The following KCNMA1 variants were observed in gnomAD, a reference collection of about 807,000 sequenced individuals.
KCNMA1 encodes potassium calcium-activated channel subfamily M alpha 1.
A neutral mutation model predicts 140.0 loss-of-function variants in KCNMA1; 29 were observed. That is an observed-to-expected ratio of 0.21 (90% CI 0.15 to 0.28). The LOEUF is 0.28. KCNMA1 is among the 10% of genes least tolerant of loss of function. The probability of loss-of-function intolerance (pLI) is 1.00; values close to 1 mark genes in which losing one functional copy is unlikely to be tolerated. For synonymous variants in KCNMA1, 612 were observed against 611.9 expected, an observed-to-expected ratio of 1.00 and a Z score of 0.00; for missense variants, 880 against 1,602.2, an observed-to-expected ratio of 0.55 and a Z score of 7.70.
chr10:77,360,108 G>A (rs947310463), intron 2 of KCNMA1, among the ~76,000 whole-genome samples: 1 of 152,172 alleles, frequency 6.6e-6, no homozygotes, highest in African/African-American at 2.4e-5. Flanking sequence ...ATATTTCTTG[G>A]AACTGAATAT....
At chr10:77,147,641 T>G (rs182266683) in intron 5 of KCNMA1, 2 of 152,264 alleles carry the variant, frequency 1.3e-5, no homozygotes, top group African/African-American at 4.8e-5. Flanking sequence ...ATCTCCCTCT[T>G]CTTCCCGTAG....
chr10:77,091,867 G>A (rs1169348955), intron 9 of KCNMA1: 1 of 152,214 alleles, frequency 6.6e-6, no homozygotes, highest in African/African-American at 2.4e-5. Context: ...TTTGGTGCTT[G>A]ACTAAGTATG....
chr10:77,552,482 G>C (rs192906760), intron 1 of KCNMA1, among the ~76,000 whole-genome samples: 2 of 152,316 alleles, frequency 1.3e-5, no homozygotes, highest in South Asian at 2.1e-4. Flanking sequence ...GCCCAGCATA[G>C]AGCAGTACTG....
chr10:77,151,320 G>A (rs1176020608), intron 5 of KCNMA1, among the ~76,000 whole-genome samples: 10 of 116,824 alleles, frequency 8.6e-5, no homozygotes, highest in African/African-American at 2.7e-4. Flanking sequence ...TCCACCTCCT[G>A]GGTTCAAGTG....
At chr10:77,259,203 G>A (rs1307977768) in intron 2 of KCNMA1, among the ~76,000 whole-genome samples, 1 of 152,116 alleles carries the variant, frequency 6.6e-6, no homozygotes, top group Non-Finnish European at 1.5e-5. Flanking sequence ...ATGTATTCAA[G>A]ATGAAAGAAA....
intron 20 of KCNMA1, among the ~76,000 whole-genome samples, chr10:76,961,868 G>A (rs1406674904): frequency 1.3e-5 from 2 of 152,124 alleles, no homozygotes; most frequent in Non-Finnish European, 2.9e-5. Flanking sequence ...ACTTTTATAT[G>A]CACTAGAAAA....
At chr10:77,511,187 T>A (rs2048269690) in intron 1 of KCNMA1, among the ~76,000 whole-genome samples, 1 of 152,222 alleles carries the variant, frequency 6.6e-6, no homozygotes. Context: ...AGCTCTGGGC[T>A]GGGACCCAAG....
intron 19 of KCNMA1, among the ~76,000 whole-genome samples, chr10:76,972,027 A>C (rs920215899): frequency 8.6e-5 from 13 of 152,024 alleles, no homozygotes; most frequent in African/African-American, 2.7e-4. Flanking sequence ...TCCCCATCTT[A>C]GAATGAAGTA....
intron 19 of KCNMA1, among the ~76,000 whole-genome samples, chr10:76,989,759 GTAGCTGATATGAC>G (rs2082236283): frequency 6.6e-6 from 1 of 151,438 alleles, no homozygotes; most frequent in Non-Finnish European, 1.5e-5. Context: ...TTCTCTGCCT[GTAGCTGATATGAC>G]CTCTTATAAG....
At chr10:77,132,466 A>G (rs2153990454) in intron 5 of KCNMA1, among the ~76,000 whole-genome samples, 1 of 152,312 alleles carries the variant, frequency 6.6e-6, no homozygotes, top group Middle Eastern at 3.4e-3. Flanking sequence ...TCCTAGACCG[A>G]AAGAATGACC....
intron 1 of KCNMA1, among the ~76,000 whole-genome samples, chr10:77,608,421 G>T (rs752911237): frequency 6.6e-6 from 1 of 152,022 alleles, no homozygotes. Context: ...CGATCCACCC[G>T]CCTTGACCTC....
chr10:77,168,336 A>T (rs550242170), intron 5 of KCNMA1, among the ~76,000 whole-genome samples: 2 of 152,316 alleles, frequency 1.3e-5, no homozygotes, highest in South Asian at 4.1e-4. Flanking sequence ...CACAAAATAT[A>T]GTCATGCATT....
chr10:77,070,694 A>G (rs10824488), intron 14 of KCNMA1, among the ~76,000 whole-genome samples: 27,723 of 151,980 alleles, frequency 0.18, 3,046 homozygotes, highest in Middle Eastern at 0.26. Context: ...CACCCCCAAC[A>G]AAAGTAAGTG....
intron 6 of KCNMA1, among the ~76,000 whole-genome samples, chr10:77,119,844 T>A (rs537062592): frequency 2.6e-4 from 39 of 152,280 alleles, no homozygotes; most frequent in Admixed American, 1.7e-3. Context: ...GAATTTGACC[T>A]CACAGTCACA....
At chr10:77,295,787 CAAAAAAAAAA>C (rs36034012) in intron 2 of KCNMA1, among the ~76,000 whole-genome samples, 36 of 43,252 alleles carry the variant, frequency 8.3e-4, no homozygotes, top group South Asian at 1.6e-3. Context: ...GACTCCGTCT[CAAAAAAAAAA>C]AAAAAAAAAA....
At chr10:76,969,858 C>G (rs1046452653) in intron 20 of KCNMA1, 116 bp downstream of exon 20, 84 of 787,676 alleles carry the variant, frequency 1.1e-4, no homozygotes, top group South Asian at 1.0e-3. Context: ...GCTCCCCTCC[C>G]CCACCCCGGG....
At chr10:77,094,520 C>T (rs1046802854) in intron 9 of KCNMA1, among the ~76,000 whole-genome samples, 4 of 152,162 alleles carry the variant, frequency 2.6e-5, no homozygotes, top group East Asian at 3.9e-4. Flanking sequence ...CACAGTTTTG[C>T]AAGATCACTA....
chr10:77,217,425 A>G (rs2048155119), intron 3 of KCNMA1: 2 of 446,054 alleles, frequency 4.5e-6, no homozygotes, highest in South Asian at 3.2e-5. Context: ...TACTTCTCAC[A>G]TGGCCAACTT....
At chr10:77,118,461 G>A (rs796825889) in intron 6 of KCNMA1, among the ~76,000 whole-genome samples, 36 of 152,246 alleles carry the variant, frequency 2.4e-4, no homozygotes, top group African/African-American at 8.7e-4. Context: ...CTGGTGACCT[G>A]GCCTTTCCTA....
Sources: allele counts gnomAD v4.1 joint callset (sites outside exome capture counted in the v4.1 genomes callset), GRCh38; gene constraint gnomAD v4.1.1; transcripts MANE v1.5; gene names NCBI Gene and HGNC (gene_info 2026-07-23, HGNC 2026-07-21).